Variants in TCF12 observed in about 807,000 individuals in gnomAD.
The protein encoded by TCF12 is DNA-binding protein HTF4.
TCF12 carries 45 observed loss-of-function variants against 86.0 expected under a neutral mutation model. The ratio of observed to expected loss-of-function variants is 0.52; its 90% confidence interval spans 0.41 to 0.67. The LOEUF is 0.67. Ranked by LOEUF, TCF12 falls within the 30% of genes least tolerant of loss-of-function variation. The pLI, the probability that TCF12 is intolerant of heterozygous loss-of-function variation, is 0.00. For synonymous variants in TCF12, 330 were observed against 299.6 expected (o/e 1.10, Z -1.05); for missense variants, 881 against 859.9 (o/e 1.02, Z -0.31).
intron 3 of TCF12, among the ~76,000 whole-genome samples, chr15:56,938,641 CTTT>C (rs11071300): frequency 8.6e-5 from 11 of 127,208 alleles, no homozygotes; most frequent in Admixed American, 4.5e-4. Flanking sequence ...TGGTCCGAGA[CTTT>C]TTTTTTTTTT....
chr15:57,181,065 C>G (rs1444368987), intron 6 of TCF12, among the ~76,000 whole-genome samples: 3 of 151,856 alleles, frequency 2.0e-5, no homozygotes, highest in Non-Finnish European at 4.4e-5. Context: ...CCGCCCGCCT[C>G]GGTCTCCCAA....
At chr15:57,174,224 G>A (rs1051751225) in intron 6 of TCF12, among the ~76,000 whole-genome samples, 3 of 152,262 alleles carry the variant, frequency 2.0e-5, no homozygotes, top group African/African-American at 4.8e-5. Context: ...CAAACAACAC[G>A]TGTGGTTTGT....
intron 6 of TCF12, among the ~76,000 whole-genome samples, chr15:57,172,732 GT>G (rs1299473917): frequency 1.3e-5 from 2 of 152,020 alleles, no homozygotes; most frequent in African/African-American, 4.8e-5. Context: ...CCCGACACGA[GT>G]TTACCTATAT....
chr15:57,019,751 G>A (rs572573052), intron 3 of TCF12, among the ~76,000 whole-genome samples: 1 of 144,692 alleles, frequency 6.9e-6, no homozygotes, highest in South Asian at 2.2e-4. Flanking sequence ...ATCTATAGGA[G>A]CAATTGGGGA....
Position 57,116,875 on chromosome 15 carries a change from G to A in TCF12, c.325+24984G>A, listed in dbSNP as rs1251252459. 3.3e-5 allele frequency among the ~76,000 whole-genome samples: 5 copies of A among 152,070 alleles called. No individual in the cohort carries two copies. The East Asian group carries it at 5.8e-4, about 18-fold the overall frequency. On this transcript the variant is annotated intron_variant, in intron 5 of 20. Coordinates refer to ENST00000333725, the MANE Select transcript of TCF12 (RefSeq NM_207037.2). ...CAGTAGGGTAGCTGAGAAGAAGCTT[G>A]GGGACAGTATAATGAAGTAATTTAT...
intron 3 of TCF12, among the ~76,000 whole-genome samples, chr15:57,007,282 G>A (rs936596681): frequency 1.3e-5 from 2 of 152,144 alleles, no homozygotes; most frequent in African/African-American, 4.8e-5. Context: ...TTTCAGAAAG[G>A]CAAGCATGGG....
intron 18 of TCF12, among the ~76,000 whole-genome samples, chr15:57,267,915 A>G (rs1273046038): frequency 2.0e-5 from 3 of 152,232 alleles, no homozygotes; most frequent in African/African-American, 4.8e-5. Flanking sequence ...TCTTGTAGGA[A>G]TAACCTGAAA....
intron 8 of TCF12, among the ~76,000 whole-genome samples, chr15:57,228,721 G>A (rs1358503923): frequency 6.6e-6 from 1 of 151,660 alleles, no homozygotes; most frequent in African/African-American, 2.4e-5. Context: ...TTCTGTAATT[G>A]TAACCATTTT....
chr15:57,266,471 A>C (rs527882631), intron 18 of TCF12, among the ~76,000 whole-genome samples: 8 of 152,322 alleles, frequency 5.3e-5, no homozygotes, highest in African/African-American at 1.9e-4. Context: ...CCAGACTAGA[A>C]TAGTTGCCAC....
chr15:57,156,718 G>A (rs2054135351), intron 5 of TCF12, among the ~76,000 whole-genome samples: 1 of 152,208 alleles, frequency 6.6e-6, no homozygotes. Flanking sequence ...CTCTGAACAA[G>A]TGGCATCTGC....
intron 3 of TCF12, among the ~76,000 whole-genome samples, chr15:56,972,485 A>G (rs781520754): frequency 4.6e-5 from 7 of 152,216 alleles, no homozygotes; most frequent in Non-Finnish European, 8.8e-5. Context: ...TGATTTTAGG[A>G]TTGTGTGATT....
intron 5 of TCF12, among the ~76,000 whole-genome samples, chr15:57,145,753 A>C (rs1434328273): frequency 6.6e-6 from 1 of 152,280 alleles, no homozygotes; most frequent in Non-Finnish European, 1.5e-5. Context: ...CTTTCTTTGA[A>C]TCCACCTGAT....
intron 8 of TCF12, among the ~76,000 whole-genome samples, chr15:57,211,426 A>G (rs2058096364): frequency 6.6e-6 from 1 of 152,096 alleles, no homozygotes; most frequent in African/African-American, 2.4e-5. Flanking sequence ...AAAAAGAAAA[A>G]AGAAAGATTA....
chr15:57,275,297 A>G (rs1376246536), intron 19 of TCF12, among the ~76,000 whole-genome samples: 3 of 98,440 alleles, frequency 3.0e-5, no homozygotes, highest in African/African-American at 1.3e-4. Flanking sequence ...AGGACTTTAC[A>G]TAAAAGCCCA....
intron 3 of TCF12, among the ~76,000 whole-genome samples, chr15:56,982,082 C>G (rs1222199194): frequency 2.0e-5 from 3 of 152,090 alleles, no homozygotes. Context: ...TTTCTTGATT[C>G]TAAATTTAGA....
chr15:57,216,553 C>T (rs1244346737), intron 8 of TCF12, among the ~76,000 whole-genome samples: 1 of 125,984 alleles, frequency 7.9e-6, no homozygotes, highest in African/African-American at 3.0e-5. Flanking sequence ...TAACCCTTGA[C>T]ATGTTCCTTT....
At chr15:57,124,964 A>G (rs1968801) in intron 5 of TCF12, among the ~76,000 whole-genome samples, 148,941 of 152,166 alleles carry the variant, frequency 0.98, 72,986 homozygotes, top group East Asian at 1. Context: ...GAGCCACCGC[A>G]CCCAGCCAAA....
At chr15:57,032,006 CCT>C (rs537563021) in intron 3 of TCF12, among the ~76,000 whole-genome samples, 118 of 152,206 alleles carry the variant, frequency 7.8e-4, no homozygotes, top group African/African-American at 2.7e-3. Flanking sequence ...TTTACTCTAT[CCT>C]CTCAATGTTT....
At chr15:56,939,060 A>G (rs1040226704) in intron 3 of TCF12, among the ~76,000 whole-genome samples, 1 of 152,008 alleles carries the variant, frequency 6.6e-6, no homozygotes, top group African/African-American at 2.4e-5. Flanking sequence ...CTGACCTCCT[A>G]CTTCCAGTTA....
Sources: gnomAD v4.1 joint callset for allele counts (sites outside exome capture counted in the v4.1 genomes callset) on GRCh38, gnomAD v4.1.1 for gene constraint, MANE v1.5 for transcripts, NCBI Gene and HGNC (gene_info 2026-07-23, HGNC 2026-07-21) for gene names.